ITFG1: variants seen among roughly 807,000 people sequenced by gnomAD.
ITFG1 encodes the protein integrin alpha FG-GAP repeat containing 1.
In ITFG1, 34 loss-of-function variants were observed where a neutral mutation model predicts 81.8. That is an observed-to-expected ratio of 0.42 (90% CI 0.32 to 0.55). The LOEUF (loss-of-function observed/expected upper bound fraction) is 0.55, where lower values mean the gene tolerates loss of function less well. Ranked by LOEUF, ITFG1 falls within the 20% of genes least tolerant of loss-of-function variation. The pLI is 0.17. For missense variants in ITFG1, 672 were observed against 755.4 expected, an observed-to-expected ratio of 0.89 and a Z score of 1.29; for synonymous variants, 285 against 270.6, an observed-to-expected ratio of 1.05 and a Z score of -0.52.
chr16:47,239,749 ACC>A (rs571428969), intron 12 of ITFG1, among the ~76,000 whole-genome samples: 1 of 152,092 alleles, frequency 6.6e-6, no homozygotes, highest in South Asian at 2.1e-4. Flanking sequence ...TATTATGAAA[ACC>A]CTAACTTCTC....
At chr16:47,326,016 A>T (rs535280782) in intron 8 of ITFG1, among the ~76,000 whole-genome samples, 1 of 152,290 alleles carries the variant, frequency 6.6e-6, no homozygotes, top group African/African-American at 2.4e-5. Context: ...GCAGAGACAC[A>T]ACAAAAAAAG....
chr16:47,433,393 C>T lies in ITFG1; in HGVS notation c.561-4495G>A, dbSNP rs563206866. Among the ~76,000 whole-genome samples, 129 of 152,264 alleles carry T rather than the reference C, an allele frequency of 8.5e-4. 1 individual carries two copies. The highest frequency in any genetic ancestry group is 3.0e-3 in the African/African-American group (123 of 41,552). ...CAGAAATATCAGAAGGTCTGGCAACCAACTGGCTTTGTTCAGACAGAGCTA... is the reference window on the plus strand; with the variant it reads ...CAGAAATATCAGAAGGTCTGGCAACTAACTGGCTTTGTTCAGACAGAGCTA... On this transcript the variant is annotated intron_variant, in intron 5 of 17. Coordinates refer to ENST00000320640, the MANE Select transcript of ITFG1 (RefSeq NM_030790.5).
chr16:47,199,516 ATACT>A (rs1965399256), intron 14 of ITFG1, among the ~76,000 whole-genome samples: 1 of 152,180 alleles, frequency 6.6e-6, no homozygotes, highest in Non-Finnish European at 1.5e-5. Flanking sequence ...ACATACACAA[ATACT>A]TACCACTGTG....
At chr16:47,183,147 T>A (rs1305528358) in intron 14 of ITFG1, among the ~76,000 whole-genome samples, 1 of 152,214 alleles carries the variant, frequency 6.6e-6, no homozygotes, top group Non-Finnish European at 1.5e-5. Flanking sequence ...GGAGTCTCGC[T>A]GATTGCCAGC....
intron 6 of ITFG1, among the ~76,000 whole-genome samples, chr16:47,422,174 A>C (rs761690699): frequency 6.6e-6 from 1 of 152,180 alleles, no homozygotes; most frequent in Non-Finnish European, 1.5e-5. Context: ...CATGATTTAT[A>C]ATCTTTGGGT....
chr16:47,297,020 G>T (rs1966992975), intron 10 of ITFG1, among the ~76,000 whole-genome samples: 2 of 152,112 alleles, frequency 1.3e-5, no homozygotes, highest in African/African-American at 4.8e-5. Flanking sequence ...TGAGTGGCAT[G>T]TTGAAGTTCC....
intron 11 of ITFG1, 101 bp from the exon 12 acceptor site, chr16:47,258,841 A>G: frequency 7.6e-6 from 4 of 526,338 alleles, no homozygotes; most frequent in Admixed American, 4.2e-5. Context: ...AAGTAAATGT[A>G]GCCTTATTTA....
chr16:47,305,410 T>TA (rs900238148), intron 10 of ITFG1, among the ~76,000 whole-genome samples: 2 of 151,962 alleles, frequency 1.3e-5, no homozygotes, highest in African/African-American at 4.8e-5. Flanking sequence ...AGATACAAGT[T>TA]AAAAAATGTG....
intron 10 of ITFG1, among the ~76,000 whole-genome samples, chr16:47,278,789 G>A (rs927089283): frequency 1.3e-4 from 20 of 152,134 alleles, no homozygotes; most frequent in Admixed American, 9.8e-4. Context: ...GAGTGGAAAT[G>A]ATTATTATCA....
In ITFG1 at chr16:47,366,271, AT is replaced by A. The variant is rs111910894; in HGVS notation, c.721-403del. ...ATAGGATTTCTGACGGTAACACATAATTAGTATAAGTACAAAGACATGTTTT... is the reference window on the plus strand; with the variant it reads ...ATAGGATTTCTGACGGTAACACATAATAGTATAAGTACAAAGACATGTTTT... On this transcript the variant is annotated intron_variant, in intron 7 of 17. Coordinates refer to ENST00000320640, the MANE Select transcript of ITFG1 (RefSeq NM_030790.5). Among the ~76,000 whole-genome samples, 314 of 152,334 alleles carry A rather than the reference AT, an allele frequency of 2.1e-3. 4 individuals carry two copies. Among genetic ancestry groups the A allele is most frequent in the African/African-American group, 7.2e-3 (299 of 41,574 alleles).
rs1284820339 is a variant in ITFG1, at chr16:47,205,829, TATCTATCTATC to T, written c.1453+13028_1453+13038del. ...TCAATTTCCCCAGCTGGAATTAAATTATCTATCTATCTATCTATCTATCTATCTATCTATCT... is the reference window on the plus strand; with the variant it reads ...TCAATTTCCCCAGCTGGAATTAAATTTATCTATCTATCTATCTATCTATCT... On this transcript the variant is annotated intron_variant, in intron 14 of 17. Coordinates refer to ENST00000320640, the MANE Select transcript of ITFG1 (RefSeq NM_030790.5). 5.1e-4 allele frequency among the ~76,000 whole-genome samples: 5 copies of T among 9,724 alleles called. No individual in the cohort carries two copies. In the East Asian group the frequency reaches 0.016, roughly 32 times the overall value. 6.4% of individuals were successfully genotyped at this position (9,724 alleles called of 152,430 possible).
At chr16:47,336,464 A>G (rs1185273684) in intron 8 of ITFG1, among the ~76,000 whole-genome samples, 2 of 152,192 alleles carry the variant, frequency 1.3e-5, no homozygotes, top group Non-Finnish European at 1.5e-5. Context: ...ATCATTGTGT[A>G]TGTCTGTTCT....
chr16:47,395,144 T>C (rs55947829), intron 6 of ITFG1, among the ~76,000 whole-genome samples: 16,316 of 152,094 alleles, frequency 0.11, 1,210 homozygotes, highest in Non-Finnish European at 0.14. Flanking sequence ...TTAGTATTAA[T>C]AGACTTTAGT....
At chr16:47,230,089 C>T (rs891710022) in intron 13 of ITFG1, among the ~76,000 whole-genome samples, 1 of 152,046 alleles carries the variant, frequency 6.6e-6, no homozygotes, top group Admixed American at 6.6e-5. Context: ...CAGTACTATC[C>T]GAGGTTGCAG....
At chr16:47,338,628 C>T (rs1467126286) in intron 8 of ITFG1, among the ~76,000 whole-genome samples, 1 of 150,520 alleles carries the variant, frequency 6.6e-6, no homozygotes, top group Non-Finnish European at 1.5e-5. Flanking sequence ...GAAGCCTAGG[C>T]ATCAGACTTA....
intron 5 of ITFG1, among the ~76,000 whole-genome samples, chr16:47,438,934 T>C (rs1291651376): frequency 6.6e-6 from 1 of 151,870 alleles, no homozygotes; most frequent in Non-Finnish European, 1.5e-5. Context: ...CTCAAAACTT[T>C]GAAAAAAAAT....
At chr16:47,348,838 C>T (rs1175468215) in intron 8 of ITFG1, among the ~76,000 whole-genome samples, 1 of 152,184 alleles carries the variant, frequency 6.6e-6, no homozygotes, top group African/African-American at 2.4e-5. Context: ...CAAAGGGAAG[C>T]CCATCAGACT....
At chr16:47,378,765 A>C (rs548315841) in intron 6 of ITFG1, among the ~76,000 whole-genome samples, 40 of 152,284 alleles carry the variant, frequency 2.6e-4, no homozygotes, top group Middle Eastern at 3.4e-3. Context: ...AAAATAGAGA[A>C]AATTAATTAT....
At chr16:47,186,067 T>C (rs1314944596) in intron 14 of ITFG1, among the ~76,000 whole-genome samples, 1 of 152,190 alleles carries the variant, frequency 6.6e-6, no homozygotes, top group South Asian at 2.1e-4. Context: ...CAGGAAGAAG[T>C]TGAATCTCTG....
Sources: gnomAD v4.1 joint callset for allele counts (sites outside exome capture counted in the v4.1 genomes callset) on GRCh38, gnomAD v4.1.1 for gene constraint, MANE v1.5 for transcripts, NCBI Gene and HGNC (gene_info 2026-07-23, HGNC 2026-07-21) for gene names.